NFIC: variants seen among roughly 807,000 people sequenced by gnomAD.
The protein encoded by NFIC is nuclear factor I C.
NFIC carries 12 observed loss-of-function variants against 54.4 expected under a neutral mutation model. The observed-to-expected ratio is 0.22, with a 90% CI of 0.14 to 0.36. The LOEUF (loss-of-function observed/expected upper bound fraction) is 0.36, where lower values mean the gene tolerates loss of function less well. NFIC is among the 10% of genes least tolerant of loss of function. NFIC has a pLI of 1.00. For synonymous variants in NFIC, 322 were observed against 319.2 expected (o/e 1.01, Z -0.09); for missense variants, 575 against 718.2 (o/e 0.80, Z 2.28).
Position 3,452,354 on chromosome 19 carries a change from TG to T in NFIC, c.1085-126del. 1 of 1,256,162 alleles carries T rather than the reference TG, an allele frequency of 8.0e-7. No homozygotes were observed. The highest frequency in any genetic ancestry group is 1.1e-6 in the Non-Finnish European group (1 of 899,880). The allele number at this position is 1,256,162 out of a possible 1,614,324, so 77.8% of individuals were successfully genotyped here. A position where few individuals can be genotyped will look rare whatever the true frequency, so the allele number is the denominator to read the frequency against. On this transcript the variant is annotated intron_variant, in intron 7 of 10. Transcript: ENST00000443272. This position sits in a 1 kb window ranked among gnomAD's most constrained non-coding sequence, Gnocchi z 5.3. The stretch of plus-strand genomic sequence containing the variant: ...TGTGGTCAGTGCTGCTGGGTTTTTT[TG>T]GTGGTTATTGTTACTAAACGCACTG...
intron 6 of NFIC, among the ~76,000 whole-genome samples, chr19:3,442,667 G>A (rs1238235202): frequency 6.6e-6 from 1 of 152,086 alleles, no homozygotes; most frequent in African/African-American, 2.4e-5. Flanking sequence ...GATGACAGGT[G>A]TGAGCCACCG....
In NFIC at chr19:3,369,532, G is replaced by A. The variant is rs1251423668; in HGVS notation, c.30+2866G>A. The stretch of plus-strand genomic sequence containing the variant: ...GCTGGCGGGGGGTGGGGGGCATCTC[G>A]GTGCCAGCCCGCTCTGTGCCACCCG... On this transcript the variant is annotated intron_variant, in intron 1 of 10. Coordinates refer to ENST00000443272, the MANE Select transcript of NFIC (RefSeq NM_001245002.2). The surrounding 1 kb of genome is among the most constrained non-coding windows in gnomAD (Gnocchi z 4.3). Among the ~76,000 whole-genome samples, 3 of 152,122 alleles carry A rather than the reference G, an allele frequency of 2.0e-5. No homozygotes were observed. The highest frequency in any genetic ancestry group is 2.1e-4 in the South Asian group (1 of 4,826).
chr19:3,431,644 T>G (rs1599676596), intron 3 of NFIC, among the ~76,000 whole-genome samples: 1 of 151,794 alleles, frequency 6.6e-6, no homozygotes, highest in East Asian at 1.9e-4. Flanking sequence ...GCTGGGACTA[T>G]AGGCACAAGC....
chr19:3,385,570 GTTGTTT>G (rs1427710665), intron 2 of NFIC, among the ~76,000 whole-genome samples: 12 of 135,604 alleles, frequency 8.8e-5, no homozygotes, highest in Non-Finnish European at 1.7e-4. Flanking sequence ...TTTGGTTGTT[GTTGTTT>G]TTTTTTTTTT....
At chr19:3,408,325 G>A (rs376442460) in intron 2 of NFIC, among the ~76,000 whole-genome samples, 2 of 152,132 alleles carry the variant, frequency 1.3e-5, no homozygotes, top group Non-Finnish European at 2.9e-5. Flanking sequence ...TGGCCACTCC[G>A]TGCAATGCTG....
chr19:3,422,092 A>G (rs545328815), intron 2 of NFIC, among the ~76,000 whole-genome samples: 8 of 152,050 alleles, frequency 5.3e-5, no homozygotes, highest in Admixed American at 2.0e-4. Flanking sequence ...ATGCACCACC[A>G]TGCCCGGCTA....
chr19:3,385,527 T>C lies in NFIC; in HGVS notation c.562+3284T>C, dbSNP rs991871529. Among the ~76,000 whole-genome samples the C allele has an allele frequency of 2.0e-5, 3 of 151,954 alleles. 1 individual carries two copies. In the Middle Eastern group the frequency reaches 0.01, roughly 517 times the overall value. ...CCTCTTCGGGATTGGTTTGTTTGTT[T>C]GTTATTATTGGTTTGGGTTTTTTGG... On this transcript the variant is annotated intron_variant, in intron 2 of 10. Coordinates refer to ENST00000443272, the MANE Select transcript of NFIC (RefSeq NM_001245002.2).
intron 6 of NFIC, among the ~76,000 whole-genome samples, chr19:3,446,111 T>G (rs1599707852): frequency 1.3e-5 from 2 of 152,246 alleles, no homozygotes; most frequent in South Asian, 4.1e-4. Flanking sequence ...TTGAGTTACG[T>G]CACTGCTCAC....
chr19:3,456,553 A>C lies in NFIC; in HGVS notation c.1427A>C (p.Tyr476Ser), dbSNP rs757084978. 1 of 1,550,728 alleles carries C rather than the reference A, an allele frequency of 6.4e-7. No homozygotes were observed. ...GGATSPTSPS[Y>S]SPPDTSPANR... is the part of the protein sequence containing the mutation. ...TCGGTCTCTCTCCTCCCTGCAGCCT[A>C]CTCTCCGCCCGACACGTCCCCTGCA... is the stretch of plus-strand genomic sequence containing the variant. Residue 476 changes from tyrosine (Y) to serine (S), a missense_variant, in exon 10 of 11, where the codon TAC becomes TCC. Physicochemically the swap from Tyr to Ser is moderately radical, Grantham distance 144 (BLOSUM62 -2). Transcript: ENST00000443272.
intron 2 of NFIC, among the ~76,000 whole-genome samples, chr19:3,388,256 C>T (rs980167823): frequency 4.6e-5 from 7 of 152,170 alleles, no homozygotes; most frequent in Non-Finnish European, 8.8e-5. Flanking sequence ...AGTTCCCCAG[C>T]GCTTCCTGGA....
chr19:3,369,896 G>C lies in NFIC; in HGVS notation c.30+3230G>C, dbSNP rs11671556. ...CATTCGTTCGTTGTTTCCTTCATTC[G>C]TTCGTCCCATGCCCTCTCGGAGCAC... On this transcript the variant is annotated intron_variant, in intron 1 of 10. Coordinates refer to ENST00000443272, the MANE Select transcript of NFIC (RefSeq NM_001245002.2). This position sits in a 1 kb window ranked among gnomAD's most constrained non-coding sequence, Gnocchi z 4.3. Among the ~76,000 whole-genome samples the C allele has an allele frequency of 0.79, 120,313 of 152,164 alleles. 47,719 individuals are homozygous for C. Among genetic ancestry groups the C allele is most frequent in the South Asian group, 0.86 (4,144 of 4,830 alleles).
At chr19:3,409,590 C>T (rs375647351) in intron 2 of NFIC, among the ~76,000 whole-genome samples, 53 of 146,754 alleles carry the variant, frequency 3.6e-4, no homozygotes, top group African/African-American at 1.0e-3. Context: ...CAGTCACCAA[C>T]GGCGGAAGCT....
rs557792533 is a variant in NFIC at position 3,369,398 on chromosome 19, G to A, written c.30+2732G>A. ...TACTCCTCTCTCTCTGTCTCTCTCT[G>A]TCTCTGGGCCTCCCTCTCCCCCTTT... On this transcript the variant is annotated intron_variant, in intron 1 of 10. Transcript: ENST00000443272. This position sits in a 1 kb window ranked among gnomAD's most constrained non-coding sequence, Gnocchi z 4.3. Among the ~76,000 whole-genome samples the A allele has an allele frequency of 1.3e-5, 2 of 151,366 alleles. No individual in the cohort carries two copies. The highest frequency in any genetic ancestry group is 1.9e-4 in the East Asian group (1 of 5,162).
Position 3,458,257 on chromosome 19 carries a change from C to G in NFIC, c.1509+1622C>G, listed in dbSNP as rs917369611. 6.6e-6 allele frequency among the ~76,000 whole-genome samples: 1 copy of G among 152,220 alleles called. No individual in the cohort carries two copies. Among genetic ancestry groups the G allele is most frequent in the South Asian group, 2.1e-4 (1 of 4,832 alleles). Reference sequence around the variant, plus strand: ...GGCCCCCTATGGCCAACCTCTCCCCCGCCTGGTGCTGATGGAGCCCGGCAT... The same window carrying G: ...GGCCCCCTATGGCCAACCTCTCCCCGGCCTGGTGCTGATGGAGCCCGGCAT... On this transcript the variant is annotated intron_variant, in intron 10 of 10. Transcript: ENST00000443272. The surrounding 1 kb of genome is among the most constrained non-coding windows in gnomAD (Gnocchi z 4.1).
At chr19:3,405,877 A>T (rs1489973278) in intron 2 of NFIC, among the ~76,000 whole-genome samples, 1 of 151,738 alleles carries the variant, frequency 6.6e-6, no homozygotes, top group Non-Finnish European at 1.5e-5. Context: ...TGCTGGGATT[A>T]TACGTGTGAG....
upstream of NFIC, among the ~76,000 whole-genome samples, chr19:3,362,802 G>T (rs2080827139): frequency 6.6e-6 from 1 of 152,122 alleles, no homozygotes; most frequent in Admixed American, 6.6e-5. Context: ...GCAGGTGCGG[G>T]GCTAGGGGAG....
chr19:3,452,348 T>C lies in NFIC; in HGVS notation c.1085-134T>C. 8.3e-7 allele frequency: 1 copy of C among 1,206,126 alleles called. No homozygotes were observed. Among genetic ancestry groups the C allele is most frequent in the East Asian group, 2.4e-5 (1 of 41,218 alleles). 74.7% of individuals were successfully genotyped at this position (1,206,126 alleles called of 1,614,324 possible). On this transcript the variant is annotated intron_variant, in intron 7 of 10. Transcript: ENST00000443272. This position sits in a 1 kb window ranked among gnomAD's most constrained non-coding sequence, Gnocchi z 5.3. ...TGTCAATGTGGTCAGTGCTGCTGGG[T>C]TTTTTTGGTGGTTATTGTTACTAAA... is the stretch of plus-strand genomic sequence containing the variant.
chr19:3,404,238 C>G (rs1207975033), intron 2 of NFIC, among the ~76,000 whole-genome samples: 1 of 151,638 alleles, frequency 6.6e-6, no homozygotes, highest in African/African-American at 2.4e-5. Context: ...CAAGAATTTG[C>G]TCCAAATGTA....
rs1403957847 is a variant in NFIC, at chr19:3,463,986, C to T, written c.*1217C>T. On this transcript the variant is annotated 3_prime_UTR_variant, in exon 11 of 11. Transcript: ENST00000443272. ...CCCCAGAGCTAGAGAGATGGGGCCCCTGCGTGGCCCGAGGGGCAGAGCTGG... is the reference window on the plus strand; with the variant it reads ...CCCCAGAGCTAGAGAGATGGGGCCCTTGCGTGGCCCGAGGGGCAGAGCTGG... 4.1e-6 allele frequency: 4 copies of T among 985,228 alleles called. No homozygotes were observed. The highest frequency in any genetic ancestry group is 4.8e-6 in the Non-Finnish European group (4 of 829,956). The allele number at this position is 985,228 out of a possible 1,614,324, so 61.0% of individuals were successfully genotyped here.
Sources: gnomAD v4.1 joint callset for allele counts (sites outside exome capture counted in the v4.1 genomes callset) on GRCh38, gnomAD v4.1.1 for gene constraint, Gnocchi (gnomAD v3.1) non-coding constraint, MANE v1.5 for transcripts, NCBI Gene and HGNC (gene_info 2026-07-23, HGNC 2026-07-21) for gene names.